FSTL5: variants seen among roughly 807,000 people sequenced by gnomAD.
FSTL5 encodes follistatin-related protein 5.
FSTL5 carries 62 observed loss-of-function variants against 89.1 expected under a neutral mutation model. That is an observed-to-expected ratio of 0.70 (90% CI 0.57 to 0.86). FSTL5 has a LOEUF of 0.86. Ranked by LOEUF, FSTL5 falls within the 40% of genes least tolerant of loss-of-function variation. The pLI is 0.00. For missense variants in FSTL5, 1,057 were observed against 1,001.6 expected, an observed-to-expected ratio of 1.06 and a Z score of -0.75; for synonymous variants, 383 against 346.2, an observed-to-expected ratio of 1.11 and a Z score of -1.18.
chr4:161,423,725 T>C (rs1342207151), intron 15 of FSTL5, among the ~76,000 whole-genome samples: 1 of 152,124 alleles, frequency 6.6e-6, no homozygotes, highest in Non-Finnish European at 1.5e-5. Context: ...TGAAAATACC[T>C]TCTTCCAGGG....
intron 14 of FSTL5, among the ~76,000 whole-genome samples, chr4:161,457,388 C>A (rs867503205): frequency 6.6e-6 from 1 of 152,138 alleles, no homozygotes; most frequent in Non-Finnish European, 1.5e-5. Context: ...TCTATCAGCA[C>A]AAAATATGTT....
At chr4:161,594,233 C>T (rs1335998221) in intron 7 of FSTL5, among the ~76,000 whole-genome samples, 4 of 151,814 alleles carry the variant, frequency 2.6e-5, no homozygotes, top group Admixed American at 2.0e-4. Flanking sequence ...ATTCTTTCAA[C>T]GGACAAGAAT....
Position 161,875,113 on chromosome 4 carries a change from C to T in FSTL5, c.409+45291G>A, listed in dbSNP as rs537962535. On this transcript the variant is annotated intron_variant, in intron 4 of 15. Coordinates refer to ENST00000306100, the MANE Select transcript of FSTL5 (RefSeq NM_020116.5). Reference sequence around the variant, plus strand: ...ACTTTTTCCCTTGTCTTGTTTGTTCCCGTTCAGATTCTCTTGTTTTAGTAT... The same window carrying T: ...ACTTTTTCCCTTGTCTTGTTTGTTCTCGTTCAGATTCTCTTGTTTTAGTAT... Among the ~76,000 whole-genome samples the T allele has an allele frequency of 2.6e-5, 4 of 151,960 alleles. No homozygotes were observed. In the South Asian group the frequency reaches 8.3e-4, roughly 32 times the overall value.
At chr4:161,924,507 A>T (rs774575982) in intron 3 of FSTL5, among the ~76,000 whole-genome samples, 7 of 151,724 alleles carry the variant, frequency 4.6e-5, no homozygotes, top group Non-Finnish European at 1.0e-4. Context: ...GGTATATGAT[A>T]CATAAAAAGA....
At chr4:161,620,406 G>T (rs1177722129) in intron 7 of FSTL5, among the ~76,000 whole-genome samples, 2 of 152,146 alleles carry the variant, frequency 1.3e-5, no homozygotes, top group African/African-American at 4.8e-5. Context: ...TGTAATCCCA[G>T]TGCTTTGGGA....
chr4:161,964,029 T>A (rs1483642078), intron 3 of FSTL5, among the ~76,000 whole-genome samples: 1 of 151,978 alleles, frequency 6.6e-6, no homozygotes, highest in Non-Finnish European at 1.5e-5. Flanking sequence ...TTTTAAGTAA[T>A]ACCCTTTTTT....
chr4:161,875,080 A>T (rs1369177412), intron 4 of FSTL5, among the ~76,000 whole-genome samples: 1 of 152,126 alleles, frequency 6.6e-6, no homozygotes, highest in East Asian at 1.9e-4. Context: ...ATATCTACAG[A>T]TATTATTACT....
chr4:161,618,114 G>T (rs2126642488), intron 7 of FSTL5, among the ~76,000 whole-genome samples: 1 of 145,368 alleles, frequency 6.9e-6, no homozygotes, highest in Admixed American at 6.8e-5. Flanking sequence ...TCATGATTTG[G>T]CTCTCTGTTT....
At chr4:161,613,933 CATGTT>C (rs1734747930) in intron 7 of FSTL5, among the ~76,000 whole-genome samples, 1 of 148,416 alleles carries the variant, frequency 6.7e-6, no homozygotes, top group African/African-American at 2.4e-5. Context: ...CTGACGAAAT[CATGTT>C]ATGTTTATTT....
At chr4:161,611,046 G>GAATAAACTA (rs1484597238) in intron 7 of FSTL5, among the ~76,000 whole-genome samples, 1 of 150,874 alleles carries the variant, frequency 6.6e-6, no homozygotes, top group African/African-American at 2.4e-5. Flanking sequence ...TTTTATCAGA[G>GAATAAACTA]AATAAACTGA....
intron 3 of FSTL5, among the ~76,000 whole-genome samples, chr4:162,007,671 C>T (rs1736650242): frequency 6.6e-6 from 1 of 151,560 alleles, no homozygotes; most frequent in African/African-American, 2.4e-5. Context: ...AGAAGATTAG[C>T]AAATTTGATG....
intron 4 of FSTL5, among the ~76,000 whole-genome samples, chr4:161,819,948 G>GT (rs983978568): frequency 6.6e-5 from 10 of 151,192 alleles, no homozygotes; most frequent in African/African-American, 1.7e-4. Flanking sequence ...AAAAAATTAA[G>GT]TTTTTTTTAA....
intron 7 of FSTL5, among the ~76,000 whole-genome samples, chr4:161,597,230 GT>G (rs1734047284): frequency 6.6e-6 from 1 of 152,030 alleles, no homozygotes; most frequent in Admixed American, 6.6e-5. Context: ...AAGGGATCCA[GT>G]TTCAGCTTTC....
intron 1 of FSTL5, among the ~76,000 whole-genome samples, chr4:162,155,302 T>C (rs191509418): frequency 1.3e-5 from 2 of 152,176 alleles, no homozygotes; most frequent in Admixed American, 1.3e-4. Context: ...TTAATTCTTC[T>C]GCCGACCTTG....
At chr4:161,925,919 G>A (rs1446257335) in intron 3 of FSTL5, among the ~76,000 whole-genome samples, 1 of 151,574 alleles carries the variant, frequency 6.6e-6, no homozygotes, top group Non-Finnish European at 1.5e-5. Context: ...AAGTAAAAAA[G>A]GAAGAAGGAA....
intron 13 of FSTL5, among the ~76,000 whole-genome samples, chr4:161,478,935 T>A (rs569584021): frequency 5.3e-5 from 8 of 152,264 alleles, no homozygotes; most frequent in African/African-American, 1.9e-4. Flanking sequence ...AATAGCCAGA[T>A]TCAGATTGTG....
chr4:161,778,020 G>A (rs555528814), intron 4 of FSTL5, among the ~76,000 whole-genome samples: 7 of 151,936 alleles, frequency 4.6e-5, no homozygotes, highest in Non-Finnish European at 8.8e-5. Context: ...CTGGAACCCC[G>A]GAGGCAGAGG....
intron 7 of FSTL5, among the ~76,000 whole-genome samples, chr4:161,616,136 T>C (rs1305348086): frequency 1.3e-5 from 2 of 151,850 alleles, no homozygotes; most frequent in Non-Finnish European, 2.9e-5. Context: ...ACCGAGGCTG[T>C]AGTGCAATGG....
chr4:161,721,284 CAAAAA>C (rs34307838), intron 6 of FSTL5, among the ~76,000 whole-genome samples: 1 of 65,126 alleles, frequency 1.5e-5, no homozygotes, highest in Non-Finnish European at 2.8e-5. Flanking sequence ...GACTCCGTCT[CAAAAA>C]AAAAAAAAAA....
Sources: gnomAD v4.1 joint callset for allele counts (sites outside exome capture counted in the v4.1 genomes callset) on GRCh38, gnomAD v4.1.1 for gene constraint, MANE v1.5 for transcripts, NCBI Gene and HGNC (gene_info 2026-07-23, HGNC 2026-07-21) for gene names.